The following EYS variants were observed in gnomAD, a reference collection of about 807,000 sequenced individuals.
EYS encodes the protein protein eyes shut homolog.
A neutral mutation model predicts 282.1 loss-of-function variants in EYS; 250 were observed. The ratio of observed to expected loss-of-function variants is 0.89; its 90% CI spans 0.80 to 0.98. The LOEUF is 0.98. Ranked by LOEUF, EYS falls within the 50% of genes least tolerant of loss-of-function variation. The pLI is 0.00. For missense variants in EYS, 4,016 were observed against 3,709.0 expected, an observed-to-expected ratio of 1.08 and a Z score of -2.15; for synonymous variants, 1,355 against 1,282.9, an observed-to-expected ratio of 1.06 and a Z score of -1.20.
At chr6:65,140,580 G>A (rs1043228543) in intron 12 of EYS, among the ~76,000 whole-genome samples, 7 of 150,806 alleles carry the variant, frequency 4.6e-5, no homozygotes, top group East Asian at 1.9e-4. Context: ...GAAAATTTTC[G>A]CAACCTACTC....
intron 30 of EYS, among the ~76,000 whole-genome samples, chr6:64,236,504 T>C (rs899933614): frequency 6.6e-6 from 1 of 152,158 alleles, no homozygotes; most frequent in Non-Finnish European, 1.5e-5. Context: ...GCCAAACTAT[T>C]TTCCAAAGAG....
chr6:64,896,634 AG>A (rs1343841377), intron 18 of EYS, among the ~76,000 whole-genome samples: 5 of 151,562 alleles, frequency 3.3e-5, no homozygotes, highest in Admixed American at 6.6e-5. Flanking sequence ...GTCTGAAGCC[AG>A]GGAGCCAAGT....
chr6:64,436,260 G>A lies in EYS; in HGVS notation c.5841C>T (p.His1947=), dbSNP rs772523953. The part of the protein sequence containing the change: ...LFIENGTLKY[H]FYCPGEAKFK... ...ATTTTGCTTCACCAGGACAGTAAAA[G>A]TGGTACTGTTGGGGGAAAAAATTTT... The change falls in exon 28 of 43, where the codon CAC becomes CAT. Residue 1947 remains histidine, a synonymous_variant. Transcript: ENST00000503581. The A allele has an allele frequency of 2.2e-5, 34 of 1,536,402 alleles. No homozygotes were observed. The East Asian group carries it at 7.2e-4, about 32-fold the overall frequency.
At chr6:64,725,949 C>A (rs1771740031) in intron 22 of EYS, among the ~76,000 whole-genome samples, 1 of 152,108 alleles carries the variant, frequency 6.6e-6, no homozygotes, top group Admixed American at 6.5e-5. Context: ...AACCCAAAAC[C>A]TTTATCACTA....
At chr6:65,018,994 G>A (rs1247936933) in intron 13 of EYS, among the ~76,000 whole-genome samples, 1 of 152,038 alleles carries the variant, frequency 6.6e-6, no homozygotes. Context: ...AAGCTTATAA[G>A]ATTATCTCAA....
chr6:64,129,426 T>C (rs1773891962), intron 31 of EYS, among the ~76,000 whole-genome samples: 1 of 152,234 alleles, frequency 6.6e-6, no homozygotes, highest in African/African-American at 2.4e-5. Flanking sequence ...ATGTCTTCTT[T>C]TGAGAAGTGT....
At chr6:64,373,283 G>A (rs1474607148) in intron 29 of EYS, among the ~76,000 whole-genome samples, 1 of 152,120 alleles carries the variant, frequency 6.6e-6, no homozygotes, top group Non-Finnish European at 1.5e-5. Context: ...TGGTATAGGT[G>A]TGCTTGGTTG....
intron 35 of EYS, among the ~76,000 whole-genome samples, chr6:63,891,835 T>A (rs990765494): frequency 6.6e-6 from 1 of 152,322 alleles, no homozygotes; most frequent in Non-Finnish European, 1.5e-5. Context: ...GAAAACCCCA[T>A]TGTCTCAGCC....
At chr6:65,249,756 C>T (rs957795080) in intron 12 of EYS, among the ~76,000 whole-genome samples, 4 of 151,930 alleles carry the variant, frequency 2.6e-5, no homozygotes, top group Non-Finnish European at 4.4e-5. Flanking sequence ...ATAGAGAAAA[C>T]CATTGAATGA....
chr6:64,591,940 A>G lies in EYS; in HGVS notation c.3927T>C (p.Gly1309=). ...IVKHDILPTT[G]LATLRISTPL... ...GTGTGCTAATTCTTAATGTTGCCAA[A>G]CCAGTGGTTGGGAGAATGTCGTGCT... The change falls in exon 26 of 43, where the codon GGT becomes GGC. Residue 1309 remains glycine (G), a synonymous_variant. Coordinates refer to ENST00000503581, the MANE Select transcript of EYS (RefSeq NM_001142800.2). The G allele has an allele frequency of 6.5e-7, 1 of 1,531,014 alleles. No homozygotes were observed. The highest frequency in any genetic ancestry group is 8.8e-7 in the Non-Finnish European group (1 of 1,134,698). 94.8% of individuals were successfully genotyped at this position (1,531,014 alleles called of 1,614,324 possible).
chr6:64,328,090 A>G (rs187752493), intron 29 of EYS, among the ~76,000 whole-genome samples: 54 of 152,348 alleles, frequency 3.5e-4, no homozygotes, highest in African/African-American at 1.3e-3. Flanking sequence ...CTTCTCTACT[A>G]CTGATCTCTT....
At chr6:64,981,291 C>T (rs1770656973) in intron 14 of EYS, among the ~76,000 whole-genome samples, 1 of 151,334 alleles carries the variant, frequency 6.6e-6, no homozygotes. Context: ...AAACTTAAGT[C>T]ATATTTTGTC....
At chr6:64,541,781 T>C (rs532589808) in intron 26 of EYS, among the ~76,000 whole-genome samples, 1 of 152,304 alleles carries the variant, frequency 6.6e-6, no homozygotes, top group East Asian at 1.9e-4. Context: ...TAAAAATGCC[T>C]GCATTTCCTA....
At chr6:63,773,789 T>C (rs538347398) in intron 40 of EYS, among the ~76,000 whole-genome samples, 84 of 152,270 alleles carry the variant, frequency 5.5e-4, no homozygotes, top group African/African-American at 2.0e-3. Context: ...GAAGACAGTC[T>C]GAGCAAAGGA....
chr6:63,806,176 T>C lies in EYS; in HGVS notation c.7411+14A>G. Reference sequence around the variant, plus strand: ...AGGAGCGAGGCAAGTCCTAGAGGGTTCAGTTAATCTTACCATGGCCTTTCT... The same window carrying C: ...AGGAGCGAGGCAAGTCCTAGAGGGTCCAGTTAATCTTACCATGGCCTTTCT... On this transcript the variant is annotated intron_variant, in intron 37 of 42. Transcript: ENST00000503581. 1.9e-6 allele frequency: 3 copies of C among 1,548,530 alleles called. No homozygotes were observed. The highest frequency in any genetic ancestry group is 2.6e-6 in the Non-Finnish European group (3 of 1,144,572).
intron 12 of EYS, among the ~76,000 whole-genome samples, chr6:65,097,100 T>G (rs1435714968): frequency 6.6e-6 from 1 of 151,082 alleles, no homozygotes; most frequent in East Asian, 1.9e-4. Flanking sequence ...CCATATCTGA[T>G]AAAGGGTTAA....
intron 29 of EYS, among the ~76,000 whole-genome samples, chr6:64,369,714 C>G (rs962286475): frequency 6.6e-6 from 1 of 151,852 alleles, no homozygotes; most frequent in Non-Finnish European, 1.5e-5. Flanking sequence ...GATTCTATAC[C>G]AAGAAAATCC....
At chr6:65,288,946 T>A (rs1450681376) in intron 12 of EYS, among the ~76,000 whole-genome samples, 1 of 150,602 alleles carries the variant, frequency 6.6e-6, no homozygotes, top group Non-Finnish European at 1.5e-5. Context: ...AGTGTTAATA[T>A]CAATAAAGGG....
intron 31 of EYS, among the ~76,000 whole-genome samples, chr6:64,173,196 G>A (rs866836949): frequency 6.6e-6 from 1 of 152,224 alleles, no homozygotes; most frequent in Middle Eastern, 3.4e-3. Context: ...AAAATTAAAT[G>A]ACTTCATATC....
Sources: allele counts gnomAD v4.1 joint callset (sites outside exome capture counted in the v4.1 genomes callset), GRCh38; gene constraint gnomAD v4.1.1; transcripts MANE v1.5; gene names NCBI Gene and HGNC (gene_info 2026-07-23, HGNC 2026-07-21).